The following MAP1S variants were observed in gnomAD, a reference collection of about 807,000 sequenced individuals.
MAP1S encodes microtubule-associated protein 1S.
MAP1S carries 27 observed loss-of-function variants against 60.9 expected under a neutral mutation model. The ratio of observed to expected loss-of-function variants is 0.44; its 90% CI spans 0.33 to 0.61. MAP1S has a LOEUF of 0.61. MAP1S is among the 20% of genes least tolerant of loss of function. The probability of loss-of-function intolerance (pLI) is 0.03; values close to 1 mark genes in which losing one functional copy is unlikely to be tolerated. For synonymous variants in MAP1S, 826 were observed against 694.2 expected, an observed-to-expected ratio of 1.19 and a Z score of -2.98; for missense variants, 1,608 against 1,486.6, an observed-to-expected ratio of 1.08 and a Z score of -1.34.
Position 17,727,478 on chromosome 19 carries a change from G to T in MAP1S, c.2094G>T (p.Leu698=), listed in dbSNP as rs766355304. 2 of 1,609,940 alleles carry T rather than the reference G, an allele frequency of 1.2e-6. No homozygotes were observed. The highest frequency in any genetic ancestry group is 1.7e-6 in the Non-Finnish European group (2 of 1,178,640). Residue 698 remains leucine, a synonymous_variant, in exon 5 of 7, where the codon CTG becomes CTT. Transcript: ENST00000324096. The surrounding 1 kb of genome is among the most constrained non-coding windows in gnomAD (Gnocchi z 4.1). ...SPHSTEVDES[L]SVSFEQVLPP... is the part of the protein sequence containing the mutation. ...ACTCGACCGAGGTGGACGAGTCCCT[G>T]TCGGTGTCCTTTGAGCAGGTGCTGC...
In MAP1S at chr19:17,726,031, A is replaced by G. The variant is rs2080415659; in HGVS notation, c.647A>G (p.Glu216Gly). ...TGCGAATTCCTGGAGTACGTGGCTGAGTCTCTGGAGCCACCGTCCCCCTTC... is the reference window on the plus strand; with the variant it reads ...TGCGAATTCCTGGAGTACGTGGCTGGGTCTCTGGAGCCACCGTCCCCCTTC... ...GLCEFLEYVA[E>G]SLEPPSPFEL... The change falls in exon 5 of 7, where the codon GAG (glutamate) becomes GGG (glycine). Residue 216 changes from glutamate to glycine, a missense_variant. By Grantham distance (98) the Glu-to-Gly change is moderately conservative. This residue lies in a region of MAP1S where 320 missense variants were observed against 393.1 expected (regional missense o/e 0.81). Coordinates refer to ENST00000324096, the MANE Select transcript of MAP1S (RefSeq NM_018174.6). 1 of 1,612,970 alleles carries G rather than the reference A, an allele frequency of 6.2e-7. No individual in the cohort carries two copies. Among genetic ancestry groups the G allele is most frequent in the African/African-American group, 1.3e-5 (1 of 74,848 alleles).
In MAP1S at chr19:17,724,880, CCCAGCAGGAGA is replaced by C. The variant is rs547359681; in HGVS notation, c.304-166_304-156del. On this transcript the variant is annotated intron_variant, in intron 3 of 6. Transcript: ENST00000324096. ...GGAGTTTGCTAGGGTTGCTCCAGGG[CCCAGCAGGAGA>C]CCTGGAGACTGCCTTCGTAGCTAGT... The C allele has an allele frequency of 8.0e-4, 607 of 761,768 alleles. 1 individual carries two copies. The African/African-American group carries it at 9.2e-3, about 12-fold the overall frequency. 47.2% of individuals were successfully genotyped at this position (761,768 alleles called of 1,614,324 possible). A position where few individuals can be genotyped will look rare whatever the true frequency, so the allele number is the denominator to read the frequency against.
At chr19:17,723,988 T>G in intron 2 of MAP1S, 138 bp from the exon 3 acceptor site, 2 of 644,008 alleles carry the variant, frequency 3.1e-6, no homozygotes, top group South Asian at 3.5e-5. Flanking sequence ...CTTTCTTGCC[T>G]GGTCCTGACC....
At chr19:17,721,280 G>A in intron 2 of MAP1S, 1 of 523,682 alleles carries the variant, frequency 1.9e-6, no homozygotes, top group Non-Finnish European at 3.5e-6. Flanking sequence ...AGGGGGAAGA[G>A]GCAGGGAGAT....
intron 3 of MAP1S, 24 bp downstream of exon 3, chr19:17,724,232 A>AG: frequency 6.2e-7 from 1 of 1,602,224 alleles, no homozygotes; most frequent in Non-Finnish European, 8.5e-7. Context: ...GACGTCCTGG[A>AG]GGGGGCGGGC....
rs761684354 is a variant in MAP1S at position 17,725,759 on chromosome 19, G to A, written c.445-70G>A. 6.9e-4 allele frequency: 1,020 copies of A among 1,472,326 alleles called. 3 individuals carry two copies. Among genetic ancestry groups the A allele is most frequent in the Non-Finnish European group, 9.0e-4 (976 of 1,086,722 alleles). 91.2% of individuals were successfully genotyped at this position (1,472,326 alleles called of 1,614,324 possible). ...TGGGGGAAAGGATGAGGGTGTCCTC[G>A]CCCAGTTTTCCCACCGGGCTAGGTG... On this transcript the variant is annotated intron_variant, in intron 4 of 6. Transcript: ENST00000324096. This position sits in a 1 kb window ranked among gnomAD's most constrained non-coding sequence, Gnocchi z 4.2.
At chr19:17,730,580 T>C (rs1469374636) in intron 5 of MAP1S, among the ~76,000 whole-genome samples, 1 of 152,200 alleles carries the variant, frequency 6.6e-6, no homozygotes, top group Non-Finnish European at 1.5e-5. Flanking sequence ...CCTCCCAAAC[T>C]GTTGGGATTA....
rs1047765544 is a variant in MAP1S, at chr19:17,719,524, G to A, written c.22G>A (p.Gly8Arg). Residue 8 changes from glycine to arginine, a missense_variant, in exon 1 of 7, where the codon GGG (glycine) becomes AGG (arginine). Physicochemically the swap from Gly to Arg is moderately radical, Grantham distance 125. Transcript: ENST00000324096. Reference sequence around the variant, plus strand: ...GAAGATGGCGGCGGTGGCTGGATCTGGGGCTGCCGCGGCTCCGAGCTCACT... The same window carrying A: ...GAAGATGGCGGCGGTGGCTGGATCTAGGGCTGCCGCGGCTCCGAGCTCACT... MAAVAGS[G>R]AAAAPSSLLL... is the part of the protein sequence containing the mutation. 4.0e-6 allele frequency: 5 copies of A among 1,245,822 alleles called. No individual in the cohort carries two copies. Among genetic ancestry groups the A allele is most frequent in the Non-Finnish European group, 5.1e-6 (5 of 987,648 alleles). The allele number at this position is 1,245,822 out of a possible 1,614,324, so 77.2% of individuals were successfully genotyped here.
intron 2 of MAP1S, among the ~76,000 whole-genome samples, chr19:17,723,202 C>T (rs760733940): frequency 3.3e-5 from 5 of 152,214 alleles, no homozygotes; most frequent in South Asian, 4.1e-4. Context: ...GTACCCTCGT[C>T]CACGTTCGCC....
rs777612522 is a variant in MAP1S, at chr19:17,726,506, C to T, written c.1122C>T (p.Arg374=). ...QLGITPLPLS[R]GPVPAKPTVL... is the part of the protein sequence containing the mutation. ...GCATCACGCCTCTGCCACTCAGCCG[C>T]GGCCCCGTGCCAGCCAAACCCACCG... is the stretch of plus-strand genomic sequence containing the variant. The change falls in exon 5 of 7, where the codon CGC becomes CGT. Residue 374 remains arginine (R), a synonymous_variant. Coordinates refer to ENST00000324096, the MANE Select transcript of MAP1S (RefSeq NM_018174.6). 5.2e-6 allele frequency: 8 copies of T among 1,551,108 alleles called. No individual in the cohort carries two copies. The highest frequency in any genetic ancestry group is 2.4e-5 in the East Asian group (1 of 41,760).
At chr19:17,724,313 A>G in intron 3 of MAP1S, 105 bp downstream of exon 3, 2 of 895,250 alleles carry the variant, frequency 2.2e-6, no homozygotes, top group Non-Finnish European at 3.6e-6. Context: ...GATCCTCTCA[A>G]GACACCCGGC....
At chr19:17,723,390 T>C (rs1054864515) in intron 2 of MAP1S, among the ~76,000 whole-genome samples, 6 of 150,112 alleles carry the variant, frequency 4.0e-5, no homozygotes, top group Non-Finnish European at 8.9e-5. Context: ...CTACTAAAAA[T>C]TGAAAAAATT....
intron 5 of MAP1S, among the ~76,000 whole-genome samples, chr19:17,728,400 C>T (rs1441782803): frequency 7.9e-5 from 12 of 152,182 alleles, no homozygotes. Context: ...CTGGCACCGC[C>T]ACTACCCCTG....
chr19:17,725,734 T>A lies in MAP1S; in HGVS notation c.445-95T>A. ...CGGGAGGGCCCTGAGGAGCAGGCCC[T>A]GGGGGAAAGGATGAGGGTGTCCTCG... On this transcript the variant is annotated intron_variant, in intron 4 of 6. Transcript: ENST00000324096. The surrounding 1 kb of genome is among the most constrained non-coding windows in gnomAD (Gnocchi z 4.2). The A allele has an allele frequency of 7.6e-7, 1 of 1,307,382 alleles. No homozygotes were observed. The highest frequency in any genetic ancestry group is 1.0e-6 in the Non-Finnish European group (1 of 954,052). The allele number at this position is 1,307,382 out of a possible 1,614,324, so 81.0% of individuals were successfully genotyped here.
At chr19:17,731,744 C>T (rs2080494883) in intron 5 of MAP1S, among the ~76,000 whole-genome samples, 1 of 152,234 alleles carries the variant, frequency 6.6e-6, no homozygotes, top group African/African-American at 2.4e-5. Flanking sequence ...CAGCTCACTG[C>T]AACCTCCACT....
At position 17,722,202 on chromosome 19, in the gene MAP1S, A is replaced by G. The variant is rs960929422; in HGVS notation, c.220+1165A>G. On this transcript the variant is annotated intron_variant, in intron 2 of 6. Transcript: ENST00000324096. ...TGGGGTGGCTCTCGCCTGTAATCCC[A>G]ACACTTTGGGAGGTCAAAGTGGGAG... 2.7e-5 allele frequency among the ~76,000 whole-genome samples: 3 copies of G among 111,046 alleles called. No individual in the cohort carries two copies. In the South Asian group the frequency reaches 8.7e-4, roughly 32 times the overall value. The allele number at this position is 111,046 out of a possible 152,430, so 72.9% of individuals were successfully genotyped here. A position where few individuals can be genotyped will look rare whatever the true frequency, so the allele number is the denominator to read the frequency against.
chr19:17,726,958 T>C lies in MAP1S; in HGVS notation c.1574T>C (p.Leu525Ser), dbSNP rs762016590. ...AAAGAAGCCAAGACCCCCCGGGAGT[T>C]GAAGAAAGACCCCAAACCGAGTGTC... is the stretch of plus-strand genomic sequence containing the variant. ...TEKEAKTPRE[L>S]KKDPKPSVSR... Residue 525 changes from leucine to serine, a missense_variant, in exon 5 of 7, where the codon TTG (leucine) becomes TCG (serine). Coordinates refer to ENST00000324096, the MANE Select transcript of MAP1S (RefSeq NM_018174.6). 1.3e-6 allele frequency: 2 copies of C among 1,573,960 alleles called. No individual in the cohort carries two copies. Among genetic ancestry groups the C allele is most frequent in the East Asian group, 2.3e-5 (1 of 42,904 alleles).
rs944360179 is a variant in MAP1S at position 17,727,362 on chromosome 19, C to A, written c.1978C>A (p.Arg660=). ...CGAGCGGCTGTCGCTGAGCCCACTG[C>A]GGGGCGGGGAGGCCGGGCCAGACGC... The part of the protein sequence containing the change: ...GSERLSLSPL[R]GGEAGPDASP... The change falls in exon 5 of 7, where the codon CGG becomes AGG. Residue 660 remains arginine (R), a synonymous_variant. Coordinates refer to ENST00000324096, the MANE Select transcript of MAP1S (RefSeq NM_018174.6). This position sits in a 1 kb window ranked among gnomAD's most constrained non-coding sequence, Gnocchi z 4.1. The A allele has an allele frequency of 6.3e-7, 1 of 1,578,690 alleles. No homozygotes were observed. Among genetic ancestry groups the A allele is most frequent in the Non-Finnish European group, 8.6e-7 (1 of 1,166,196 alleles).
chr19:17,721,165 A>C lies in MAP1S; in HGVS notation c.220+128A>C, dbSNP rs1040059371. 5.1e-6 allele frequency: 4 copies of C among 787,374 alleles called. No homozygotes were observed. The African/African-American group carries it at 6.8e-5, about 13-fold the overall frequency. The allele number at this position is 787,374 out of a possible 1,614,324, so 48.8% of individuals were successfully genotyped here. A position where few individuals can be genotyped will look rare whatever the true frequency, so the allele number is the denominator to read the frequency against. ...AGTAATAATACAGTTGAGACCTTTC[A>C]AATGCAAGCCGTGACCCAGTGATAA... On this transcript the variant is annotated intron_variant, in intron 2 of 6. Coordinates refer to ENST00000324096, the MANE Select transcript of MAP1S (RefSeq NM_018174.6).
Sources: allele counts gnomAD v4.1 joint callset (sites outside exome capture counted in the v4.1 genomes callset), GRCh38; gene constraint gnomAD v4.1.1; regional missense constraint gnomAD v4.1.1; non-coding constraint Gnocchi (gnomAD v3.1); transcripts MANE v1.5; gene names NCBI Gene and HGNC (gene_info 2026-07-23, HGNC 2026-07-21).